Variants in CEP85L observed in about 807,000 individuals in gnomAD.
CEP85L encodes the protein centrosomal protein 85L.
A neutral mutation model predicts 100.3 loss-of-function variants in CEP85L; 60 were observed. The observed-to-expected ratio is 0.60, with a 90% CI of 0.49 to 0.74. The LOEUF (loss-of-function observed/expected upper bound fraction) is 0.74, where lower values mean the gene tolerates loss of function less well. CEP85L is among the 30% of genes least tolerant of loss of function. CEP85L has a pLI of 0.00. For synonymous variants in CEP85L, 319 were observed against 322.7 expected, an observed-to-expected ratio of 0.99 and a Z score of 0.12; for missense variants, 973 against 936.2, an observed-to-expected ratio of 1.04 and a Z score of -0.51.
At chr6:118,645,589 T>C (rs1405010425) in intron 1 of CEP85L, among the ~76,000 whole-genome samples, 1 of 152,208 alleles carries the variant, frequency 6.6e-6, no homozygotes, top group African/African-American at 2.4e-5. Flanking sequence ...AGAGGACTGC[T>C]TGATCCTGGC....
At chr6:118,491,521 T>C (rs1463365638) in intron 6 of CEP85L, 165 bp downstream of exon 6, 3 of 1,369,736 alleles carry the variant, frequency 2.2e-6, no homozygotes, top group Non-Finnish European at 2.8e-6. Context: ...ATCCTTGGAT[T>C]TCTGCAGACA....
rs566295711 is a variant in CEP85L, at chr6:118,529,102, G to C, written c.1021-5182C>G. ...CTTTTGAAAGTCCTAAACAAAGGTG[G>C]AATAGTGATAAGGGAATTAGATGTG... is the stretch of plus-strand genomic sequence containing the variant. On this transcript the variant is annotated intron_variant, in intron 3 of 12. Coordinates refer to ENST00000368491, the MANE Select transcript of CEP85L (RefSeq NM_001042475.3). Among the ~76,000 whole-genome samples, 19 of 152,238 alleles carry C rather than the reference G, an allele frequency of 1.2e-4. 1 individual carries two copies. The South Asian group carries it at 3.9e-3, about 32-fold the overall frequency.
rs72954883 is a variant in CEP85L at position 118,591,381 on chromosome 6, G to C, written c.233-25065C>G. ...CTGTGTGGCAGATGAAAAACTGAAC[G>C]TACCTCTGATTGGTCCCCTCCTGCA... is the stretch of plus-strand genomic sequence containing the variant. On this transcript the variant is annotated intron_variant, in intron 2 of 12. Transcript: ENST00000368491. 4.2e-3 allele frequency among the ~76,000 whole-genome samples: 645 copies of C among 152,144 alleles called. 3 individuals carry two copies. The highest frequency in any genetic ancestry group is 4.7e-3 in the Admixed American group (72 of 15,292).
At chr6:118,586,417 T>C (rs1193260149) in intron 2 of CEP85L, among the ~76,000 whole-genome samples, 2 of 152,062 alleles carry the variant, frequency 1.3e-5, no homozygotes, top group African/African-American at 4.8e-5. Context: ...TCCCAGGAAA[T>C]TGGACCACCT....
At chr6:118,515,012 T>C (rs749422934) in intron 4 of CEP85L, among the ~76,000 whole-genome samples, 19 of 151,876 alleles carry the variant, frequency 1.3e-4, no homozygotes, top group Non-Finnish European at 1.8e-4. Flanking sequence ...AATCTCACTA[T>C]GTTGCCCAGG....
chr6:118,706,962 C>G (rs767559602), intron 1 of CEP85L, among the ~76,000 whole-genome samples: 36 of 152,140 alleles, frequency 2.4e-4, no homozygotes, highest in Non-Finnish European at 4.4e-4. Context: ...TCCCTTTAAC[C>G]ATTCTCTTCA....
At chr6:118,633,404 C>G (rs1774297767) in intron 1 of CEP85L, among the ~76,000 whole-genome samples, 1 of 152,060 alleles carries the variant, frequency 6.6e-6, no homozygotes, top group Admixed American at 6.6e-5. Context: ...TGAGGTTTCA[C>G]CGTGTTAACC....
chr6:118,636,568 G>A (rs550459850), intron 1 of CEP85L, among the ~76,000 whole-genome samples: 19 of 143,184 alleles, frequency 1.3e-4, no homozygotes, highest in African/African-American at 5.8e-4. Flanking sequence ...GAAGGTGTTT[G>A]GATGAGCTCA....
intron 1 of CEP85L, among the ~76,000 whole-genome samples, chr6:118,689,154 A>G (rs1316151402): frequency 6.6e-6 from 1 of 152,218 alleles, no homozygotes; most frequent in African/African-American, 2.4e-5. Context: ...CACAATCTGC[A>G]GCCAAGTCTT....
Position 118,461,184 on chromosome 6 carries a change from C to T in CEP85L, c.*4221G>A, listed in dbSNP as rs2084262428. On this transcript the variant is annotated 3_prime_UTR_variant, in exon 13 of 13. Transcript: ENST00000368491. Reference sequence around the variant, plus strand: ...TGTGCTTTTTAATGTAACCACCTAGCACCTTACTACTTCTTGTCATCACAA... The same window carrying T: ...TGTGCTTTTTAATGTAACCACCTAGTACCTTACTACTTCTTGTCATCACAA... 6.6e-6 allele frequency: 1 copy of T among 152,052 alleles called. No individual in the cohort carries two copies. The highest frequency in any genetic ancestry group is 6.6e-5 in the Admixed American group (1 of 15,266). 9.4% of individuals were successfully genotyped at this position (152,052 alleles called of 1,614,324 possible).
rs760741645 is a variant in CEP85L, at chr6:118,462,225, G to A, written c.*3180C>T. ...ATTTCACTAAAATATAATACTGTTA[G>A]CATTAAATATTGAATCCTAGGTGCC... On this transcript the variant is annotated 3_prime_UTR_variant, in exon 13 of 13. Coordinates refer to ENST00000368491, the MANE Select transcript of CEP85L (RefSeq NM_001042475.3). The A allele has an allele frequency of 3.3e-5, 5 of 151,952 alleles. No homozygotes were observed. The highest frequency in any genetic ancestry group is 7.4e-5 in the Non-Finnish European group (5 of 67,872). 9.4% of individuals were successfully genotyped at this position (151,952 alleles called of 1,614,324 possible).
intron 1 of CEP85L, among the ~76,000 whole-genome samples, chr6:118,665,651 G>A (rs181656614): frequency 1.4e-4 from 21 of 152,238 alleles, no homozygotes; most frequent in South Asian, 1.0e-3. Flanking sequence ...GAGCCATTGC[G>A]CCGGGCCACA....
intron 1 of CEP85L, among the ~76,000 whole-genome samples, chr6:118,694,906 G>A (rs1777157359): frequency 6.6e-6 from 1 of 152,040 alleles, no homozygotes. Flanking sequence ...TCTTTCCCTG[G>A]TAGAGTGACC....
intron 2 of CEP85L, among the ~76,000 whole-genome samples, chr6:118,572,243 AC>A (rs1218707910): frequency 6.6e-6 from 1 of 151,038 alleles, no homozygotes; most frequent in Non-Finnish European, 1.5e-5. Flanking sequence ...GAAAAAAAAA[AC>A]ATGTTATGCC....
intron 2 of CEP85L, among the ~76,000 whole-genome samples, chr6:118,595,283 G>A (rs199954164): frequency 1.1e-5 from 1 of 91,476 alleles, no homozygotes; most frequent in South Asian, 3.4e-4. Flanking sequence ...CCTCATTGTC[G>A]TAGATCTATT....
chr6:118,651,598 C>A (rs967646817), upstream of CEP85L: 20 of 1,093,704 alleles, frequency 1.8e-5, no homozygotes, highest in African/African-American at 2.1e-4. Context: ...CTCTCCGCCC[C>A]CTCCGCCGGC....
In CEP85L at chr6:118,491,696, A is replaced by C; in HGVS notation, c.1427T>G (p.Leu476Arg). Residue 476 changes from leucine (L) to arginine (R), a missense_variant, in exon 6 of 13, where the codon CTA becomes CGA. Physicochemically the swap from Leu to Arg is moderately radical, Grantham distance 102. Coordinates refer to ENST00000368491, the MANE Select transcript of CEP85L (RefSeq NM_001042475.3). ...ATTAGAAAAACCTACTTTTTCCTCT[A>C]GTTTCTTCTTCTCTTCACTAAATAG... ...LSLFSEEKKK[L>R]EEKLKTRDRY... 2 of 1,610,908 alleles carry C rather than the reference A, an allele frequency of 1.2e-6. No homozygotes were observed. The highest frequency in any genetic ancestry group is 1.7e-6 in the Non-Finnish European group (2 of 1,178,802).
At chr6:118,628,357 C>T (rs1583192371) in intron 2 of CEP85L, among the ~76,000 whole-genome samples, 1 of 152,022 alleles carries the variant, frequency 6.6e-6, no homozygotes, top group Admixed American at 6.5e-5. Context: ...GATAAAAATT[C>T]CAAGAATCAA....
chr6:118,469,037 T>A (rs775503333), intron 12 of CEP85L, 35 bp downstream of exon 12: 1 of 1,451,066 alleles, frequency 6.9e-7, no homozygotes, highest in Non-Finnish European at 9.7e-7. Flanking sequence ...GGTTTCTAAT[T>A]GCCACAAAAT....
Sources: gnomAD v4.1 joint callset for allele counts (sites outside exome capture counted in the v4.1 genomes callset) on GRCh38, gnomAD v4.1.1 for gene constraint, MANE v1.5 for transcripts, NCBI Gene and HGNC (gene_info 2026-07-23, HGNC 2026-07-21) for gene names.